ZNF146: variants seen among roughly 807,000 people sequenced by gnomAD.
ZNF146 encodes the protein zinc finger protein 146, also known as zinc finger protein OZF.
Under a neutral mutation model 22.2 loss-of-function variants are expected in ZNF146, and 9 were observed. The ratio of observed to expected loss-of-function variants is 0.41; its 90% CI spans 0.24 to 0.71. The LOEUF (loss-of-function observed/expected upper bound fraction) is 0.71. Among genes scored for constraint, ZNF146 ranks in the 30% least tolerant of loss-of-function variants. The pLI is 0.34. For missense variants in ZNF146, 194 were observed against 344.8 expected, an observed-to-expected ratio of 0.56 and a Z score of 3.46; for synonymous variants, 108 against 119.2, an observed-to-expected ratio of 0.91 and a Z score of 0.61.
chr19:36,229,190 TTC>T (rs1426773968), intron 3 of ZNF146, among the ~76,000 whole-genome samples: 1 of 152,226 alleles, frequency 6.6e-6, no homozygotes, highest in Non-Finnish European at 1.5e-5. Flanking sequence ...TGTTACTACC[TTC>T]TCTCATCCTT....
rs1976625071 is a variant in ZNF146, at chr19:36,216,767, T to C, written c.-928-1355T>C. Among the ~76,000 whole-genome samples the C allele has an allele frequency of 2.6e-5, 4 of 152,030 alleles. No individual in the cohort carries two copies. The South Asian group carries it at 6.2e-4, about 24-fold the overall frequency. ...GAAAGAGACAAGCTGCAAGAGCCAG[T>C]ACAGACTGAGAAAGAAAAGGCGTTG... On this transcript the variant is annotated intron_variant, in intron 1 of 3. Transcript: ENST00000443387.
chr19:36,219,934 C>T (rs1397789640), intron 2 of ZNF146, among the ~76,000 whole-genome samples: 1 of 151,696 alleles, frequency 6.6e-6, no homozygotes, highest in African/African-American at 2.4e-5. Flanking sequence ...TCTTTTTTTC[C>T]CCCTGGCTTT....
intron 2 of ZNF146, among the ~76,000 whole-genome samples, chr19:36,224,075 C>T (rs1166686796): frequency 6.6e-6 from 1 of 152,132 alleles, no homozygotes; most frequent in Non-Finnish European, 1.5e-5. Flanking sequence ...CGTTCTTTGA[C>T]ATCATTTATT....
intron 2 of ZNF146, among the ~76,000 whole-genome samples, chr19:36,219,366 T>G (rs975887299): frequency 2.0e-5 from 3 of 152,172 alleles, no homozygotes; most frequent in Non-Finnish European, 4.4e-5. Flanking sequence ...AGTCTTACTA[T>G]GTTGCCCAGG....
In ZNF146 at chr19:36,236,599, T is replaced by G; in HGVS notation, c.159T>G (p.Phe53Leu). ...AATGTAACGAGTGTGGAAAAGCCTT[T>G]AGCCAAAAGCAGTATGTCATTAAAC... ...PFECNECGKA[F>L]SQKQYVIKHQ... Residue 53 changes from phenylalanine to leucine, a missense_variant, in exon 4 of 4, where the codon TTT becomes TTG. Transcript: ENST00000443387. 1 of 1,614,068 alleles carries G rather than the reference T, an allele frequency of 6.2e-7. No individual in the cohort carries two copies.
chr19:36,231,434 CCT>C (rs1977365672), intron 3 of ZNF146, among the ~76,000 whole-genome samples: 1 of 152,154 alleles, frequency 6.6e-6, no homozygotes, highest in African/African-American at 2.4e-5. Flanking sequence ...GTCTTAAACT[CCT>C]GACCTCAAGT....
rs1977664821 is a variant in ZNF146 at position 36,236,919 on chromosome 19, A to G, written c.479A>G (p.Glu160Gly). Residue 160 changes from glutamate to glycine, a missense_variant, in exon 4 of 4, where the codon GAA becomes GGA. Physicochemically the swap from Glu to Gly is moderately conservative, Grantham distance 98 (BLOSUM62 -2). This residue lies in a region of ZNF146 where 147 missense variants were observed against 300.1 expected (regional missense o/e 0.49). Coordinates refer to ENST00000443387, the MANE Select transcript of ZNF146 (RefSeq NM_007145.3). ...GGAGAGAAGCCTTTTAAATGTAGTG[A>G]ATGTGGAACAGCCTTTGGCCAGAAG... is the stretch of plus-strand genomic sequence containing the variant. ...HIGEKPFKCS[E>G]CGTAFGQKKY... The G allele has an allele frequency of 6.2e-7, 1 of 1,614,048 alleles. No individual in the cohort carries two copies. The highest frequency in any genetic ancestry group is 8.5e-7 in the Non-Finnish European group (1 of 1,180,024).
rs1472100876 is a variant in ZNF146 at position 36,215,109 on chromosome 19, T to A, written c.-1016T>A. The A allele has an allele frequency of 6.6e-6, 1 of 152,318 alleles. No homozygotes were observed. The highest frequency in any genetic ancestry group is 1.5e-5 in the Non-Finnish European group (1 of 68,154). The allele number at this position is 152,318 out of a possible 1,614,324, so 9.4% of individuals were successfully genotyped here. On this transcript the variant is annotated 5_prime_UTR_variant, in exon 1 of 4. Transcript: ENST00000443387. ...TGGGAGTGCTTCCTCGCTCTCCGAG[T>A]GCGCAAGCGCAGCGCACCGAGTGGA... is the stretch of plus-strand genomic sequence containing the variant.
At chr19:36,223,655 G>A (rs897598599) in intron 2 of ZNF146, among the ~76,000 whole-genome samples, 4 of 141,624 alleles carry the variant, frequency 2.8e-5, no homozygotes, top group Admixed American at 7.3e-5. Context: ...GAGCCACCGC[G>A]CGTGGCTGAT....
At chr19:36,217,018 C>T (rs1976637119) in intron 1 of ZNF146, among the ~76,000 whole-genome samples, 3 of 144,270 alleles carry the variant, frequency 2.1e-5, no homozygotes, top group South Asian at 2.2e-4. Flanking sequence ...GAGATCCTGG[C>T]GACAGCATTC....
intron 1 of ZNF146, among the ~76,000 whole-genome samples, chr19:36,217,713 C>T (rs895577142): frequency 4.6e-5 from 7 of 151,844 alleles, no homozygotes; most frequent in African/African-American, 7.3e-5. Context: ...GGAGAAACCC[C>T]GTCTCTACTA....
rs1205882627 is a variant in ZNF146 at position 36,236,832 on chromosome 19, A to C, written c.392A>C (p.Lys131Thr). Residue 131 changes from lysine (K) to threonine (T), a missense_variant, in exon 4 of 4, where the codon AAG becomes ACG. Physicochemically the swap from Lys to Thr is moderately conservative, Grantham distance 78 (BLOSUM62 -1). Around this residue, in one of 2 missense-constraint regions of ZNF146, gnomAD observed 147 missense variants for 300.1 expected, o/e 0.49. Coordinates refer to ENST00000443387, the MANE Select transcript of ZNF146 (RefSeq NM_007145.3). ...THTGEKPFVC[K>T]ECGKTFSGKS... ...ACAGGAGAGAAGCCCTTTGTATGTA[A>C]GGAGTGTGGAAAAACCTTCAGTGGC... 1 of 1,614,176 alleles carries C rather than the reference A, an allele frequency of 6.2e-7. No individual in the cohort carries two copies. Among genetic ancestry groups the C allele is most frequent in the South Asian group, 1.1e-5 (1 of 91,080 alleles).
At chr19:36,222,897 C>CTT (rs34403288) in intron 2 of ZNF146, among the ~76,000 whole-genome samples, 4 of 141,922 alleles carry the variant, frequency 2.8e-5, no homozygotes, top group South Asian at 4.5e-4. Flanking sequence ...ATAATAGTTT[C>CTT]TTTTTTTACA....
In ZNF146 at chr19:36,236,104, A is replaced by C. The variant is rs891365945; in HGVS notation, c.-337A>C. On this transcript the variant is annotated 5_prime_UTR_variant, in exon 4 of 4. Coordinates refer to ENST00000443387, the MANE Select transcript of ZNF146 (RefSeq NM_007145.3). The stretch of plus-strand genomic sequence containing the variant: ...TCGTCGAACGTGCAAGTCATGCTGA[A>C]GAGAAACCCTGTGCTTCTAAGGAGT... The C allele has an allele frequency of 3.1e-5, 7 of 225,648 alleles. No homozygotes were observed. Among genetic ancestry groups the C allele is most frequent in the Non-Finnish European group, 6.1e-5 (7 of 115,500 alleles). The allele number at this position is 225,648 out of a possible 1,614,324, so 14.0% of individuals were successfully genotyped here. A position where few individuals can be genotyped will look rare whatever the true frequency, so the allele number is the denominator to read the frequency against.
intron 3 of ZNF146, among the ~76,000 whole-genome samples, chr19:36,234,321 CT>C (rs1234049370): frequency 1.5e-5 from 1 of 64,960 alleles, no homozygotes; most frequent in Admixed American, 1.4e-4. Flanking sequence ...ATCTCTCTTT[CT>C]TTTCCCCACA....
chr19:36,220,316 G>A (rs902588242), intron 2 of ZNF146, among the ~76,000 whole-genome samples: 18 of 106,802 alleles, frequency 1.7e-4, no homozygotes, highest in Non-Finnish European at 3.8e-4. Context: ...ACTTTAAATG[G>A]TATAGTATTT....
chr19:36,222,257 A>C (rs1976879023), intron 2 of ZNF146, among the ~76,000 whole-genome samples: 1 of 152,156 alleles, frequency 6.6e-6, no homozygotes, highest in South Asian at 2.1e-4. Context: ...TCTTTAAAAG[A>C]AATTTTTTTT....
chr19:36,227,319 G>T (rs1372895573), intron 2 of ZNF146, among the ~76,000 whole-genome samples: 2 of 151,186 alleles, frequency 1.3e-5, no homozygotes, highest in African/African-American at 4.9e-5. Context: ...AACCCGGGAG[G>T]CAGAGGTTGC....
chr19:36,235,565 G>A (rs762321833), intron 3 of ZNF146, 94 bp from the exon 4 acceptor site: 18 of 152,120 alleles, frequency 1.2e-4, no homozygotes, highest in Non-Finnish European at 1.9e-4. Context: ...GTAATATAAA[G>A]GTAAAATGAA....
Sources: allele counts gnomAD v4.1 joint callset (sites outside exome capture counted in the v4.1 genomes callset), GRCh38; gene constraint gnomAD v4.1.1; regional missense constraint gnomAD v4.1.1; transcripts MANE v1.5; gene names NCBI Gene and HGNC (gene_info 2026-07-23, HGNC 2026-07-21).